KLHL30: variants seen among roughly 807,000 people sequenced by gnomAD.
The protein encoded by KLHL30 is kelch like family member 30, also known as kelch-like protein 30.
KLHL30 carries 55 observed loss-of-function variants against 55.0 expected under a neutral mutation model. The observed-to-expected ratio is 1.00, with a 90% CI of 0.80 to 1.25. KLHL30 has a LOEUF of 1.25. Ranked by LOEUF, KLHL30 falls within the 50% of genes most tolerant of loss-of-function variation. The pLI is 0.00. For missense variants in KLHL30, 786 were observed against 811.6 expected (o/e 0.97, Z 0.38); for synonymous variants, 356 against 372.6 (o/e 0.96, Z 0.51).
In KLHL30 at chr2:238,152,072, G is replaced by A. The variant is rs575362771; in HGVS notation, c.*1007G>A. 4.1e-6 allele frequency: 4 copies of A among 985,532 alleles called. No homozygotes were observed. In the Admixed American group the frequency reaches 2.5e-4, roughly 60 times the overall value. 61.0% of individuals were successfully genotyped at this position (985,532 alleles called of 1,614,324 possible). ...ACTCTCCCTGGGTGCCCAATGGCGTGTCCCTCCTGTCACAGGCTCCGCCCT... is the reference window on the plus strand; with the variant it reads ...ACTCTCCCTGGGTGCCCAATGGCGTATCCCTCCTGTCACAGGCTCCGCCCT... On this transcript the variant is annotated 3_prime_UTR_variant, in exon 8 of 8. Coordinates refer to ENST00000409223, the MANE Select transcript of KLHL30 (RefSeq NM_198582.4).
At position 238,151,078 on chromosome 2, in the gene KLHL30, G is replaced by T. The variant is rs764746151; in HGVS notation, c.*13G>T. 3.8e-6 allele frequency: 6 copies of T among 1,576,334 alleles called. 1 individual carries two copies. The highest frequency in any genetic ancestry group is 5.2e-6 in the Non-Finnish European group (6 of 1,160,316). ...CCAGGAGCACTAAACCAGGGCCAGG[G>T]TCCCCGGGGAGGAGTCCCCACAGCG... is the stretch of plus-strand genomic sequence containing the variant. On this transcript the variant is annotated 3_prime_UTR_variant, in exon 8 of 8. Coordinates refer to ENST00000409223, the MANE Select transcript of KLHL30 (RefSeq NM_198582.4).
intron 3 of KLHL30, 107 bp from the exon 4 acceptor site, chr2:238,144,795 G>C (rs12623661): frequency 0.65 from 531,303 of 816,756 alleles, 174,066 homozygotes; most frequent in African/African-American, 0.71. Context: ...CAGTGAGGGG[G>C]GCATTTCTGC....
chr2:238,151,968 C>T lies in KLHL30; in HGVS notation c.*903C>T, dbSNP rs187532231. 6.5e-5 allele frequency: 64 copies of T among 985,392 alleles called. No individual in the cohort carries two copies. Among genetic ancestry groups the T allele is most frequent in the South Asian group, 1.9e-4 (4 of 21,296 alleles). 61.0% of individuals were successfully genotyped at this position (985,392 alleles called of 1,614,324 possible). On this transcript the variant is annotated 3_prime_UTR_variant, in exon 8 of 8. Transcript: ENST00000409223. ...CCCCTGCCAGCATGCAGCCCGACTCCGGCTGGCTCAGGCTCCGAGTGGCTT... is the reference window on the plus strand; with the variant it reads ...CCCCTGCCAGCATGCAGCCCGACTCTGGCTGGCTCAGGCTCCGAGTGGCTT...
In KLHL30 at chr2:238,148,821, C is replaced by G. The variant is rs566501298; in HGVS notation, c.1340-186C>G. Among the ~76,000 whole-genome samples the G allele has an allele frequency of 3.5e-4, 53 of 152,266 alleles. 1 individual carries two copies. The highest frequency in any genetic ancestry group is 3.2e-3 in the Admixed American group (49 of 15,302). On this transcript the variant is annotated intron_variant, in intron 6 of 7. Coordinates refer to ENST00000409223, the MANE Select transcript of KLHL30 (RefSeq NM_198582.4). ...GGTCACTGTCCCCAGAGGGAAAGAT[C>G]GAGGCTGGGTGAGAGGCAGGTGTGG...
Position 238,149,061 on chromosome 2 carries a change from G to T in KLHL30, c.1394G>T (p.Arg465Leu). ...PFLPKYLSSPRCAALHGELYL... is the reference protein window; with the variant it reads ...PFLPKYLSSPLCAALHGELYL... ...CTGCCCAAGTACCTGTCCTCGCCTC[G>T]CTGTGCTGCACTGCACGGGGAGCTC... Residue 465 changes from arginine (R) to leucine (L), a missense_variant, in exon 7 of 8, where the codon CGC (arginine) becomes CTC (leucine). Coordinates refer to ENST00000409223, the MANE Select transcript of KLHL30 (RefSeq NM_198582.4). 1 of 1,613,226 alleles carries T rather than the reference G, an allele frequency of 6.2e-7. No homozygotes were observed.
rs1692569232 is a variant in KLHL30 at position 238,142,951 on chromosome 2, C to T, written c.907+20C>T. On this transcript the variant is annotated intron_variant, in intron 3 of 7. Transcript: ENST00000409223. The stretch of plus-strand genomic sequence containing the variant: ...AGGCCAGTGAGTACCCCTCCCGCGT[C>T]CAGACCCACCTGCTGTCTCTCTGTC... 6.7e-7 allele frequency: 1 copy of T among 1,503,068 alleles called. No homozygotes were observed. The highest frequency in any genetic ancestry group is 1.5e-5 in the African/African-American group (1 of 67,714). 93.1% of individuals were successfully genotyped at this position (1,503,068 alleles called of 1,614,324 possible).
chr2:238,152,278 G>A lies in KLHL30; in HGVS notation c.*1213G>A. ...ACCAGAGGGGCCTCTGACATCCTTG[G>A]GTTCTGAGGACGGAAACCCCTGAGC... is the stretch of plus-strand genomic sequence containing the variant. On this transcript the variant is annotated 3_prime_UTR_variant, in exon 8 of 8. Transcript: ENST00000409223. The A allele has an allele frequency of 2.1e-6, 2 of 958,620 alleles. No homozygotes were observed. The highest frequency in any genetic ancestry group is 2.5e-6 in the Non-Finnish European group (2 of 805,504). The allele number at this position is 958,620 out of a possible 1,614,324, so 59.4% of individuals were successfully genotyped here.
rs987746389 is a variant in KLHL30, at chr2:238,152,242, C to T, written c.*1177C>T. On this transcript the variant is annotated 3_prime_UTR_variant, in exon 8 of 8. Coordinates refer to ENST00000409223, the MANE Select transcript of KLHL30 (RefSeq NM_198582.4). ...CCCTGGGTTCCTCCTTAACACCCCC[C>T]GCCCCTGGGGACCAGAGGGGCCTCT... The T allele has an allele frequency of 5.7e-5, 56 of 984,912 alleles. No individual in the cohort carries two copies. The highest frequency in any genetic ancestry group is 1.9e-4 in the South Asian group (4 of 21,280). The allele number at this position is 984,912 out of a possible 1,614,324, so 61.0% of individuals were successfully genotyped here.
rs762992563 is a variant in KLHL30, at chr2:238,141,402, C to G, written c.648C>G (p.Pro216=). The G allele has an allele frequency of 3.2e-6, 5 of 1,583,442 alleles. No individual in the cohort carries two copies. The South Asian group carries it at 4.5e-5, about 14-fold the overall frequency. The change falls in exon 2 of 8, where the codon CCC becomes CCG. Residue 216 remains proline, a synonymous_variant. Transcript: ENST00000409223. ...HDPQARAAHL[P]ELLSLVHLDA... is the part of the protein sequence containing the mutation. The stretch of plus-strand genomic sequence containing the variant: ...CGCAGGCCCGGGCCGCCCACCTGCC[C>G]GAGCTGCTCAGCCTAGTGCACCTGG...
intron 3 of KLHL30, among the ~76,000 whole-genome samples, 172 bp downstream of exon 3, chr2:238,143,103 C>T (rs1045639013): frequency 1.3e-5 from 2 of 152,226 alleles, no homozygotes; most frequent in African/African-American, 4.8e-5. Context: ...CAGAGGAGCC[C>T]GAGGTACCCC....
At chr2:238,149,932 C>T (rs1409101215) in intron 7 of KLHL30, among the ~76,000 whole-genome samples, 1 of 152,184 alleles carries the variant, frequency 6.6e-6, no homozygotes, top group Non-Finnish European at 1.5e-5. Context: ...CCAAGACTCC[C>T]AGTCCCTGCA....
rs199786535 is a variant in KLHL30, at chr2:238,149,152, G to T, written c.1485G>T (p.Lys495Asn). 2 of 1,612,512 alleles carry T rather than the reference G, an allele frequency of 1.2e-6. No individual in the cohort carries two copies. The highest frequency in any genetic ancestry group is 3.3e-5 in the Admixed American group (2 of 60,010). The part of the protein sequence containing the change: ...VYDPGANLWQ[K>N]VQSQHSLHEN... ...ACCCCGGGGCCAACCTGTGGCAGAA[G>T]GTGGGCCGCCCCCTCCCCCAACATG... Residue 495 changes from lysine to asparagine, a missense_variant and splice_region_variant, in exon 7 of 8, where the codon AAG becomes AAT. Lys to Asn is a moderately conservative substitution (Grantham distance 94, BLOSUM62 0). Coordinates refer to ENST00000409223, the MANE Select transcript of KLHL30 (RefSeq NM_198582.4).
rs552347910 is a variant in KLHL30 at position 238,149,324 on chromosome 2, G to C, written c.1485+172G>C. On this transcript the variant is annotated intron_variant, in intron 7 of 7. Transcript: ENST00000409223. ...CAGTGAAGGGGGTGGCGCAGGCTGG[G>C]GTGCCCACAGAGGGCCCACAGTGAA... Among the ~76,000 whole-genome samples the C allele has an allele frequency of 3.5e-3, 514 of 146,274 alleles. 1 individual carries two copies. Among genetic ancestry groups the C allele is most frequent in the Non-Finnish European group, 6.1e-3 (412 of 67,262 alleles).
chr2:238,152,071 T>C lies in KLHL30; in HGVS notation c.*1006T>C. On this transcript the variant is annotated 3_prime_UTR_variant, in exon 8 of 8. Transcript: ENST00000409223. Reference sequence around the variant, plus strand: ...GACTCTCCCTGGGTGCCCAATGGCGTGTCCCTCCTGTCACAGGCTCCGCCC... The same window carrying C: ...GACTCTCCCTGGGTGCCCAATGGCGCGTCCCTCCTGTCACAGGCTCCGCCC... 1.0e-6 allele frequency: 1 copy of C among 985,528 alleles called. No individual in the cohort carries two copies. The highest frequency in any genetic ancestry group is 1.2e-6 in the Non-Finnish European group (1 of 829,996). 61.0% of individuals were successfully genotyped at this position (985,528 alleles called of 1,614,324 possible).
At chr2:238,139,386 G>A (rs1692488733) in intron 1 of KLHL30, among the ~76,000 whole-genome samples, 1 of 152,214 alleles carries the variant, frequency 6.6e-6, no homozygotes, top group Non-Finnish European at 1.5e-5. Context: ...CTCCTGGGGA[G>A]GGGCCAGGCA....
At chr2:238,142,972 C>A in intron 3 of KLHL30, 41 bp downstream of exon 3, 1 of 1,493,760 alleles carries the variant, frequency 6.7e-7, no homozygotes, top group Non-Finnish European at 8.8e-7. Context: ...TGCTGTCTCT[C>A]TGTCCCAGCG....
Position 238,151,104 on chromosome 2 carries a change from GC to G in KLHL30, c.*43del. Reference sequence around the variant, plus strand: ...TCCCCGGGGAGGAGTCCCCACAGCGGCCCCTCATCAGCCTGTGGAACGGCCC... The same window carrying G: ...TCCCCGGGGAGGAGTCCCCACAGCGGCCCTCATCAGCCTGTGGAACGGCCC... On this transcript the variant is annotated 3_prime_UTR_variant, in exon 8 of 8. Coordinates refer to ENST00000409223, the MANE Select transcript of KLHL30 (RefSeq NM_198582.4). 1 of 1,553,934 alleles carries G rather than the reference GC, an allele frequency of 6.4e-7. No individual in the cohort carries two copies. The highest frequency in any genetic ancestry group is 8.7e-7 in the Non-Finnish European group (1 of 1,147,296).
rs765145523 is a variant in KLHL30 at position 238,147,989 on chromosome 2, G to GA, written c.1306_1307insA (p.Ala436AspfsTer69). 2 of 1,535,330 alleles carry GA rather than the reference G, an allele frequency of 1.3e-6. No homozygotes were observed. The highest frequency in any genetic ancestry group is 1.8e-6 in the Non-Finnish European group (2 of 1,139,604). On this transcript the variant is annotated frameshift_variant, in exon 6 of 8. Coordinates refer to ENST00000409223, the MANE Select transcript of KLHL30 (RefSeq NM_198582.4). LOFTEE classifies it high-confidence loss of function. This position sits in a 1 kb window ranked among gnomAD's most constrained non-coding sequence, Gnocchi z 5.8. The stretch of plus-strand genomic sequence containing the variant: ...GGGCTCCAGCGCCTGCAAGTACAAC[G>GA]CCCTGGCCCTGCAGTGCTACAACCC...
intron 2 of KLHL30, among the ~76,000 whole-genome samples, chr2:238,142,517 G>T (rs77330856): frequency 9.2e-5 from 14 of 152,286 alleles, no homozygotes; most frequent in African/African-American, 3.4e-4. Flanking sequence ...CCCTCGTGCC[G>T]CCTGCTGGAG....
Sources: gnomAD v4.1 joint callset for allele counts (sites outside exome capture counted in the v4.1 genomes callset) on GRCh38, gnomAD v4.1.1 for gene constraint, Gnocchi (gnomAD v3.1) non-coding constraint, MANE v1.5 for transcripts, NCBI Gene and HGNC (gene_info 2026-07-23, HGNC 2026-07-21) for gene names.